TUSC3: variants seen among roughly 807,000 people sequenced by gnomAD.
TUSC3 encodes the protein dolichyl-diphosphooligosaccharide--protein glycosyltransferase subunit TUSC3.
TUSC3 carries 45 observed loss-of-function variants against 44.8 expected under a neutral mutation model. The observed-to-expected ratio is 1.00, with a 90% CI of 0.79 to 1.29. The LOEUF (loss-of-function observed/expected upper bound fraction) is 1.29, where lower values mean the gene tolerates loss of function less well. TUSC3 is among the 50% of genes most tolerant of loss of function. The pLI is 0.00. For missense variants in TUSC3, 519 were observed against 437.9 expected (o/e 1.19, Z -1.65); for synonymous variants, 212 against 152.9 (o/e 1.39, Z -2.85).
At chr8:15,436,186 A>C (rs1799943301) in intron 1 of TUSC3, among the ~76,000 whole-genome samples, 2 of 152,222 alleles carry the variant, frequency 1.3e-5, no homozygotes, top group South Asian at 4.1e-4. Flanking sequence ...TCTGAGAGAC[A>C]GAACATGGCA....
intron 1 of TUSC3, among the ~76,000 whole-genome samples, chr8:15,615,864 G>C (rs1051720044): frequency 3.9e-5 from 6 of 152,174 alleles, no homozygotes; most frequent in Non-Finnish European, 8.8e-5. Flanking sequence ...GCTGGTTAAA[G>C]GATATAAACA....
Position 15,561,931 on chromosome 8 carries a change from T to A in TUSC3, c.138+21363T>A, listed in dbSNP as rs571356096. ...GCACTCCCTAGTGAGATGAACCCGG[T>A]ACCTCAGATGGAAATGCAGAAATCA... On this transcript the variant is annotated intron_variant, in intron 1 of 10. Transcript: ENST00000503731. Among the ~76,000 whole-genome samples, 3 of 152,264 alleles carry A rather than the reference T, an allele frequency of 2.0e-5. No homozygotes were observed. The South Asian group carries it at 6.2e-4, about 32-fold the overall frequency.
chr8:15,541,393 T>G (rs1329369931), intron 1 of TUSC3, among the ~76,000 whole-genome samples: 2 of 152,248 alleles, frequency 1.3e-5, no homozygotes, highest in Non-Finnish European at 2.9e-5. Context: ...GGTTTCTAAT[T>G]GTGGACCATT....
chr8:15,583,846 A>G (rs1803482701), intron 1 of TUSC3, among the ~76,000 whole-genome samples: 1 of 152,228 alleles, frequency 6.6e-6, no homozygotes, highest in South Asian at 2.1e-4. Flanking sequence ...AAAAACCACA[A>G]ACCCTTATTT....
At chr8:15,845,588 C>T in the TUSC3 span, among the ~76,000 whole-genome samples, 55,315 of 151,920 alleles carry the variant, frequency 0.36, 11,394 homozygotes, top group East Asian at 0.55. Flanking sequence ...TCTCAGGGCA[C>T]AGAAAGTATT....
At chr8:15,429,957 A>C (rs1799851911) in intron 1 of TUSC3, among the ~76,000 whole-genome samples, 1 of 151,700 alleles carries the variant, frequency 6.6e-6, no homozygotes, top group Non-Finnish European at 1.5e-5. Flanking sequence ...TGAATAGACC[A>C]ATAACAGCCT....
chr8:15,585,368 A>C (rs779953172), intron 1 of TUSC3, among the ~76,000 whole-genome samples: 1 of 152,200 alleles, frequency 6.6e-6, no homozygotes, highest in Non-Finnish European at 1.5e-5. Flanking sequence ...CTGAGGTATC[A>C]CCTGGAGTTC....
chr8:15,440,595 C>T (rs73191103), intron 1 of TUSC3, among the ~76,000 whole-genome samples: 24,713 of 152,102 alleles, frequency 0.16, 2,088 homozygotes, highest in Middle Eastern at 0.22. Flanking sequence ...TAGCATCTTA[C>T]AGGATGGAAT....
chr8:15,760,909 G>C (rs1179896737), intron 10 of TUSC3, among the ~76,000 whole-genome samples: 1 of 152,124 alleles, frequency 6.6e-6, no homozygotes, highest in Non-Finnish European at 1.5e-5. Context: ...CTTGTTCTCA[G>C]AGTTTTGCTT....
the TUSC3 span, among the ~76,000 whole-genome samples, chr8:15,815,025 T>C: frequency 0.3 from 45,269 of 151,974 alleles, 7,817 homozygotes; most frequent in African/African-American, 0.48. Context: ...AAATTAAATG[T>C]TTTTAAAGGA....
At chr8:15,787,848 AG>A in the TUSC3 span, among the ~76,000 whole-genome samples, 1 of 152,200 alleles carries the variant, frequency 6.6e-6, no homozygotes, top group Non-Finnish European at 1.5e-5. Flanking sequence ...AACATGTGCC[AG>A]GTTGAACTTT....
At chr8:15,757,692 T>A in intron 9 of TUSC3, 99 bp from the exon 10 acceptor site, 1 of 1,418,866 alleles carries the variant, frequency 7.0e-7, no homozygotes, top group Non-Finnish European at 1.0e-6. Flanking sequence ...AGATAAAGAA[T>A]GTAGTGCTAA....
chr8:15,756,367 T>A (rs927721681), intron 9 of TUSC3, among the ~76,000 whole-genome samples: 5 of 152,174 alleles, frequency 3.3e-5, no homozygotes, highest in Admixed American at 6.5e-5. Context: ...AATTATATAA[T>A]CAGTTCGTAG....
At chr8:15,459,874 G>A (rs868227080) in intron 1 of TUSC3, among the ~76,000 whole-genome samples, 2,820 of 143,306 alleles carry the variant, frequency 0.02, 99 homozygotes, top group African/African-American at 0.072. Flanking sequence ...GTGTGTGTGT[G>A]TATACATACA....
chr8:15,744,381 A>G (rs1413835439), intron 8 of TUSC3, among the ~76,000 whole-genome samples: 2 of 152,134 alleles, frequency 1.3e-5, no homozygotes, highest in African/African-American at 4.8e-5. Context: ...ACCTTTTTAT[A>G]GTTAATATCA....
At chr8:15,567,213 G>A (rs1802710023) in intron 1 of TUSC3, among the ~76,000 whole-genome samples, 3 of 152,050 alleles carry the variant, frequency 2.0e-5, no homozygotes, top group African/African-American at 4.8e-5. Context: ...AAAACATTTC[G>A]GGGCAGTGGG....
intron 7 of TUSC3, among the ~76,000 whole-genome samples, chr8:15,731,711 G>T (rs961961870): frequency 6.6e-6 from 1 of 152,104 alleles, no homozygotes; most frequent in African/African-American, 2.4e-5. Context: ...ACCAATGAAT[G>T]TTAGTCATGC....
chr8:15,424,201 A>C (rs1046382430), intron 1 of TUSC3, among the ~76,000 whole-genome samples: 35 of 151,502 alleles, frequency 2.3e-4, no homozygotes, highest in African/African-American at 8.2e-4. Flanking sequence ...GTTAGCCAGG[A>C]TAGTGTCTAT....
At chr8:15,453,228 G>A (rs911542229) in intron 1 of TUSC3, among the ~76,000 whole-genome samples, 10 of 144,210 alleles carry the variant, frequency 6.9e-5, no homozygotes, top group Non-Finnish European at 1.5e-4. Context: ...TCACATTAGC[G>A]TGGTAATGAT....
Sources: gnomAD v4.1 joint callset for allele counts (sites outside exome capture counted in the v4.1 genomes callset) on GRCh38, gnomAD v4.1.1 for gene constraint, MANE v1.5 for transcripts, NCBI Gene and HGNC (gene_info 2026-07-23, HGNC 2026-07-21) for gene names.